Variants in SNX30 observed in about 807,000 individuals in gnomAD.
SNX30 encodes sorting nexin-30.
In SNX30, 24 loss-of-function variants were observed where a neutral mutation model predicts 46.4. That is an observed-to-expected ratio of 0.52 (90% CI 0.37 to 0.73). The LOEUF (loss-of-function observed/expected upper bound fraction) is 0.73, where lower values mean the gene tolerates loss of function less well. Ranked by LOEUF, SNX30 falls within the 30% of genes least tolerant of loss-of-function variation. SNX30 has a pLI of 0.00. For missense variants in SNX30, 533 were observed against 555.7 expected (o/e 0.96, Z 0.41); for synonymous variants, 189 against 211.5 (o/e 0.89, Z 0.92).
chr9:112,815,576 A>G (rs576236950), intron 2 of SNX30, among the ~76,000 whole-genome samples: 1 of 152,164 alleles, frequency 6.6e-6, no homozygotes, highest in South Asian at 2.1e-4. Context: ...GGCCAGGCTG[A>G]TCTTGAACTA....
intron 1 of SNX30, among the ~76,000 whole-genome samples, chr9:112,770,296 C>T (rs1223953805): frequency 2.6e-5 from 4 of 151,844 alleles, no homozygotes; most frequent in Non-Finnish European, 1.5e-5. Context: ...CTCAGCCTCC[C>T]GAGTAGCTGG....
At chr9:112,865,659 A>ATATGTATG (rs1311099028) in intron 8 of SNX30, among the ~76,000 whole-genome samples, 1 of 79,696 alleles carries the variant, frequency 1.3e-5, no homozygotes, top group South Asian at 3.7e-4. Flanking sequence ...ATATATATAT[A>ATATGTATG]TATGTATGTA....
chr9:112,760,994 T>A (rs1839425287), intron 1 of SNX30, among the ~76,000 whole-genome samples: 1 of 152,034 alleles, frequency 6.6e-6, no homozygotes, highest in South Asian at 2.1e-4. Flanking sequence ...GAGGACTGAA[T>A]TGGGTCATGC....
intron 8 of SNX30, among the ~76,000 whole-genome samples, chr9:112,866,007 G>T (rs186483331): frequency 6.6e-6 from 1 of 152,044 alleles, no homozygotes. Flanking sequence ...ACCCAACCCT[G>T]GTCTTAAGTA....
intron 1 of SNX30, among the ~76,000 whole-genome samples, chr9:112,804,134 TC>T (rs1840183483): frequency 6.6e-6 from 1 of 150,992 alleles, no homozygotes. Context: ...CCGGAGCTGT[TC>T]CTATTCGGCC....
intron 3 of SNX30, among the ~76,000 whole-genome samples, chr9:112,818,291 T>G (rs1330442400): frequency 6.8e-6 from 1 of 147,432 alleles, no homozygotes; most frequent in African/African-American, 2.5e-5. Context: ...AACCTCCGAC[T>G]CCCAGGTTCA....
intron 1 of SNX30, among the ~76,000 whole-genome samples, chr9:112,767,087 C>T (rs1402738955): frequency 6.8e-6 from 1 of 147,250 alleles, no homozygotes; most frequent in Non-Finnish European, 1.5e-5. Flanking sequence ...TACAAGGCTT[C>T]TGTTTTCTCC....
At chr9:112,789,385 T>A (rs973456985) in intron 1 of SNX30, among the ~76,000 whole-genome samples, 20 of 152,274 alleles carry the variant, frequency 1.3e-4, no homozygotes, top group Middle Eastern at 6.8e-3. Flanking sequence ...GTCTACTTAT[T>A]CTTCTCAAGT....
At chr9:112,786,089 G>A (rs1839919231) in intron 1 of SNX30, among the ~76,000 whole-genome samples, 1 of 150,064 alleles carries the variant, frequency 6.7e-6, no homozygotes, top group South Asian at 2.1e-4. Flanking sequence ...CCCTGTAGTT[G>A]CTGCTGTACT....
chr9:112,760,086 A>G (rs542304303), intron 1 of SNX30, among the ~76,000 whole-genome samples: 3 of 152,312 alleles, frequency 2.0e-5, no homozygotes, highest in South Asian at 2.1e-4. Flanking sequence ...AGTTATTTCA[A>G]ACAGAGAGAC....
At chr9:112,773,010 G>T (rs1369736744) in intron 1 of SNX30, among the ~76,000 whole-genome samples, 1 of 152,188 alleles carries the variant, frequency 6.6e-6, no homozygotes, top group Non-Finnish European at 1.5e-5. Flanking sequence ...AAACAATGTT[G>T]CCAGAAGCTA....
rs748001333 is a variant in SNX30 at position 112,871,087 on chromosome 9, G to C, written c.*2244G>C. 1 of 152,244 alleles carries C rather than the reference G, an allele frequency of 6.6e-6. No individual in the cohort carries two copies. Among genetic ancestry groups the C allele is most frequent in the Admixed American group, 6.5e-5 (1 of 15,288 alleles). The allele number at this position is 152,244 out of a possible 1,614,324, so 9.4% of individuals were successfully genotyped here. A position where few individuals can be genotyped will look rare whatever the true frequency, so the allele number is the denominator to read the frequency against. On this transcript the variant is annotated 3_prime_UTR_variant, in exon 9 of 9. Coordinates refer to ENST00000374232, the MANE Select transcript of SNX30 (RefSeq NM_001012994.2). ...TCTCCTAGTGAGAGGCAGATGGCTG[G>C]CTCTGAAGGGAGGCAGGCACCGTGG...
At chr9:112,861,168 C>G (rs1053061369) in intron 7 of SNX30, among the ~76,000 whole-genome samples, 2 of 152,140 alleles carry the variant, frequency 1.3e-5, no homozygotes. Flanking sequence ...ACTCCAAGGT[C>G]GCAGTGAGCA....
chr9:112,760,129 G>C (rs1839412970), intron 1 of SNX30, among the ~76,000 whole-genome samples: 1 of 152,194 alleles, frequency 6.6e-6, no homozygotes, highest in Non-Finnish European at 1.5e-5. Flanking sequence ...ATAGGTGATG[G>C]GTGGTAAATT....
chr9:112,835,472 ATTTTTTT>A (rs34706176), intron 4 of SNX30, among the ~76,000 whole-genome samples: 1 of 141,796 alleles, frequency 7.1e-6, no homozygotes, highest in Non-Finnish European at 1.5e-5. Flanking sequence ...TGCCCAACTA[ATTTTTTT>A]TTTTTTTTTG....
intron 5 of SNX30, among the ~76,000 whole-genome samples, chr9:112,837,126 A>T (rs974252801): frequency 6.6e-6 from 1 of 152,196 alleles, no homozygotes; most frequent in African/African-American, 2.4e-5. Context: ...CTAAGCCATG[A>T]TGACTGTGTT....
rs529185045 is a variant in SNX30, at chr9:112,838,397, C to A, written c.815-101C>A. On this transcript the variant is annotated intron_variant, in intron 5 of 8. Transcript: ENST00000374232. ...AGGTGAGTGAATGGCCAAAGAAACA[C>A]ATGTTCATGTAGAGAGCTCTTGGCT... The A allele has an allele frequency of 9.8e-5, 93 of 952,768 alleles. No homozygotes were observed. The South Asian group carries it at 1.4e-3, about 15-fold the overall frequency. 59.0% of individuals were successfully genotyped at this position (952,768 alleles called of 1,614,324 possible). A position where few individuals can be genotyped will look rare whatever the true frequency, so the allele number is the denominator to read the frequency against.
chr9:112,881,897 T>G (rs1276594255), downstream of SNX30, among the ~76,000 whole-genome samples: 1 of 152,110 alleles, frequency 6.6e-6, no homozygotes, highest in Non-Finnish European at 1.5e-5. Flanking sequence ...GAAAATTCTC[T>G]TTGAGAAAAT....
chr9:112,806,945 C>T (rs1452436689), intron 2 of SNX30, among the ~76,000 whole-genome samples: 1 of 151,608 alleles, frequency 6.6e-6, no homozygotes, highest in African/African-American at 2.4e-5. Flanking sequence ...CTAGCTTACT[C>T]TTTCAATCTC....
Sources: allele counts gnomAD v4.1 joint callset (sites outside exome capture counted in the v4.1 genomes callset), GRCh38; gene constraint gnomAD v4.1.1; transcripts MANE v1.5; gene names NCBI Gene and HGNC (gene_info 2026-07-23, HGNC 2026-07-21).